Variants in GPR55 observed in about 807,000 individuals in gnomAD.
GPR55 encodes G protein-coupled receptor 55.
A neutral mutation model predicts 7.9 loss-of-function variants in GPR55; 6 were observed. That is an observed-to-expected ratio of 0.76 (90% CI 0.41 to 1.49). GPR55 has a LOEUF of 1.49. Among genes scored for constraint, GPR55 ranks in the 40% most tolerant of loss-of-function variants. The probability of loss-of-function intolerance (pLI) is 0.01; values close to 1 mark genes in which losing one functional copy is unlikely to be tolerated. For missense variants in GPR55, 376 were observed against 406.0 expected (o/e 0.93, Z 0.63); for synonymous variants, 183 against 166.8 (o/e 1.10, Z -0.75).
Position 230,910,389 on chromosome 2 carries a change from G to A in GPR55, c.574C>T (p.Leu192Phe). The change falls in exon 2 of 2, where the codon CTT (leucine) becomes TTT (phenylalanine). Residue 192 changes from leucine (L) to phenylalanine (F), a missense_variant. Leu to Phe is a conservative substitution (Grantham distance 22, BLOSUM62 0). Transcript: ENST00000650999. This position sits in a 1 kb window ranked among gnomAD's most constrained non-coding sequence, Gnocchi z 5.4. ...FFPLEVFGFL[L>F]PMGIMGFCCS... ...CAGAAGCCCATGATGCCCATGGGAA[G>A]GAGGAAGCCAAACACCTCCAGCGGG... The A allele has an allele frequency of 6.2e-7, 1 of 1,614,124 alleles. No homozygotes were observed. The highest frequency in any genetic ancestry group is 2.2e-5 in the East Asian group (1 of 44,870).
At position 230,924,386 on chromosome 2, in the gene GPR55, A is replaced by T. The variant is rs1395355081; in HGVS notation, c.-135+782T>A. ...GGCAGCACAAAGCCCAGGTGAAGCCAGGCCAGCCAGACATGTCCTGACTTT... is the reference window on the plus strand; with the variant it reads ...GGCAGCACAAAGCCCAGGTGAAGCCTGGCCAGCCAGACATGTCCTGACTTT... On this transcript the variant is annotated intron_variant, in intron 1 of 1. Transcript: ENST00000650999. The surrounding 1 kb of genome is among the most constrained non-coding windows in gnomAD (Gnocchi z 4.5). Among the ~76,000 whole-genome samples the T allele has an allele frequency of 6.6e-6, 1 of 152,184 alleles. No homozygotes were observed. The highest frequency in any genetic ancestry group is 1.5e-5 in the Non-Finnish European group (1 of 68,036).
intron 1 of GPR55, among the ~76,000 whole-genome samples, chr2:230,946,466 A>G (rs1646193826): frequency 6.6e-6 from 1 of 152,186 alleles, no homozygotes; most frequent in African/African-American, 2.4e-5. Context: ...TCAAAATTTC[A>G]CACTGTTCAT....
chr2:230,943,423 C>G (rs1401280083), intron 1 of GPR55, among the ~76,000 whole-genome samples: 1 of 152,218 alleles, frequency 6.6e-6, no homozygotes, highest in Non-Finnish European at 1.5e-5. Flanking sequence ...GGCATGGGTG[C>G]TAAGAGATGT....
At chr2:230,954,361 C>T (rs1048897848) in intron 1 of GPR55, among the ~76,000 whole-genome samples, 1 of 152,244 alleles carries the variant, frequency 6.6e-6, no homozygotes, top group African/African-American at 2.4e-5. Flanking sequence ...GAGGACTCGG[C>T]TTAACTCTCT....
At position 230,910,910 on chromosome 2, in the gene GPR55, A is replaced by G; in HGVS notation, c.53T>C (p.Leu18Pro). The change falls in exon 2 of 2, where the codon CTG becomes CCG. Residue 18 changes from leucine (L) to proline (P), a missense_variant. Transcript: ENST00000650999. This position sits in a 1 kb window ranked among gnomAD's most constrained non-coding sequence, Gnocchi z 5.4. ...GACTGCAAACTGTAGGGTTTTCATC[A>G]GCTCGTTGACACCGTCAAACAGGCA... ...GDCLFDGVNE[L>P]MKTLQFAVHI... The G allele has an allele frequency of 6.2e-7, 1 of 1,612,328 alleles. No homozygotes were observed. The highest frequency in any genetic ancestry group is 8.5e-7 in the Non-Finnish European group (1 of 1,178,406).
At chr2:230,939,092 G>A (rs1433576336) in intron 1 of GPR55, among the ~76,000 whole-genome samples, 2 of 152,186 alleles carry the variant, frequency 1.3e-5, no homozygotes, top group African/African-American at 2.4e-5. Flanking sequence ...AGCACTCGCC[G>A]CAACCTACCC....
At chr2:230,914,601 T>A (rs1177518552) in intron 1 of GPR55, among the ~76,000 whole-genome samples, 1 of 142,396 alleles carries the variant, frequency 7.0e-6, no homozygotes, top group African/African-American at 2.6e-5. Context: ...GATGAAACAG[T>A]CATCCTTCTC....
chr2:230,927,156 C>A (rs186802596), upstream of GPR55, among the ~76,000 whole-genome samples: 48 of 152,300 alleles, frequency 3.2e-4, no homozygotes, highest in East Asian at 7.3e-3. Context: ...TCACCTACCC[C>A]CCAGGGCACC....
intron 1 of GPR55, among the ~76,000 whole-genome samples, chr2:230,931,698 C>T (rs73992981): frequency 2.6e-5 from 4 of 152,110 alleles, no homozygotes; most frequent in South Asian, 2.1e-4. Context: ...TCTGGCCTCA[C>T]GGTGCGACCT....
At chr2:230,929,621 A>G (rs1185849533), upstream of GPR55, 1 of 152,266 alleles carries the variant, frequency 6.6e-6, no homozygotes, top group Non-Finnish European at 1.5e-5. Flanking sequence ...CCCTGCAGTC[A>G]TCCTGCCCAT....
At chr2:230,959,480 A>G (rs1355997700) in intron 1 of GPR55, among the ~76,000 whole-genome samples, 2 of 152,142 alleles carry the variant, frequency 1.3e-5, no homozygotes, top group African/African-American at 4.8e-5. Context: ...CATACATAAA[A>G]TCATTTAGTT....
At position 230,909,982 on chromosome 2, in the gene GPR55, C is replaced by A; in HGVS notation, c.*21G>T. On this transcript the variant is annotated 3_prime_UTR_variant, in exon 2 of 2. Coordinates refer to ENST00000650999, the MANE Select transcript of GPR55 (RefSeq NM_005683.4). ...GAATTCAGGGCCAGGGCTTTCTTCC[C>A]CTGAACAGGATGTCCTTCCGTTAGC... 6.2e-7 allele frequency: 1 copy of A among 1,600,990 alleles called. No individual in the cohort carries two copies. Among genetic ancestry groups the A allele is most frequent in the South Asian group, 1.1e-5 (1 of 89,144 alleles).
At chr2:230,917,195 A>G (rs1357578383) in intron 1 of GPR55, among the ~76,000 whole-genome samples, 1 of 152,264 alleles carries the variant, frequency 6.6e-6, no homozygotes, top group African/African-American at 2.4e-5. Flanking sequence ...ATCAGGTACA[A>G]TTCTTAGAAT....
chr2:230,959,026 G>T (rs553443689), intron 1 of GPR55, among the ~76,000 whole-genome samples: 1 of 152,326 alleles, frequency 6.6e-6, no homozygotes, highest in South Asian at 2.1e-4. Flanking sequence ...TGCTGTGTGA[G>T]GTCACAGCAG....
chr2:230,952,658 G>T (rs1691422529), intron 1 of GPR55, among the ~76,000 whole-genome samples: 1 of 152,242 alleles, frequency 6.6e-6, no homozygotes, highest in African/African-American at 2.4e-5. Flanking sequence ...ACTGCAGAGA[G>T]ACAGGGAGAT....
At chr2:230,950,805 G>A (rs559197723) in intron 1 of GPR55, among the ~76,000 whole-genome samples, 4 of 152,084 alleles carry the variant, frequency 2.6e-5, no homozygotes, top group East Asian at 1.9e-4. Flanking sequence ...GGCAGGACTC[G>A]TATCTTCCCC....
intron 1 of GPR55, among the ~76,000 whole-genome samples, chr2:230,917,132 T>G (rs995694320): frequency 5.0e-4 from 76 of 152,362 alleles, no homozygotes; most frequent in African/African-American, 1.7e-3. Flanking sequence ...AAATAAAAAC[T>G]CAATTGCGAG....
At chr2:230,928,791 G>T (rs1690985585), upstream of GPR55, among the ~76,000 whole-genome samples, 1 of 152,272 alleles carries the variant, frequency 6.6e-6, no homozygotes, top group East Asian at 1.9e-4. Context: ...AGGAAGGCAG[G>T]GGAACTCAGG....
intron 1 of GPR55, among the ~76,000 whole-genome samples, chr2:230,932,899 T>A (rs1691071736): frequency 6.6e-6 from 1 of 152,114 alleles, no homozygotes; most frequent in Non-Finnish European, 1.5e-5. Context: ...ATGCGCTCGC[T>A]CTCTCTAATT....
Sources: allele counts gnomAD v4.1 joint callset (sites outside exome capture counted in the v4.1 genomes callset), GRCh38; gene constraint gnomAD v4.1.1; non-coding constraint Gnocchi (gnomAD v3.1); transcripts MANE v1.5; gene names NCBI Gene and HGNC (gene_info 2026-07-23, HGNC 2026-07-21).